LAMA2: variants seen among roughly 807,000 people sequenced by gnomAD.
LAMA2 encodes the protein laminin subunit alpha-2.
Under a neutral mutation model 364.8 loss-of-function variants are expected in LAMA2, and 269 were observed. The ratio of observed to expected loss-of-function variants is 0.74; its 90% CI spans 0.67 to 0.82. The LOEUF (loss-of-function observed/expected upper bound fraction) is 0.82, where lower values mean the gene tolerates loss of function less well. LAMA2 is among the 40% of genes least tolerant of loss of function. The probability of loss-of-function intolerance (pLI) is 0.00; values close to 1 mark genes in which losing one functional copy is unlikely to be tolerated. For missense variants in LAMA2, 3,807 were observed against 3,873.2 expected, an observed-to-expected ratio of 0.98 and a Z score of 0.45; for synonymous variants, 1,379 against 1,370.6, an observed-to-expected ratio of 1.01 and a Z score of -0.14.
At chr6:129,507,927 C>T (rs1253691693) in intron 62 of LAMA2, among the ~76,000 whole-genome samples, 1 of 152,176 alleles carries the variant, frequency 6.6e-6, no homozygotes, top group Non-Finnish European at 1.5e-5. Flanking sequence ...TGCAAGAACA[C>T]TCATATGTTT....
intron 4 of LAMA2, among the ~76,000 whole-genome samples, chr6:129,112,782 A>G (rs1486362173): frequency 2.0e-5 from 3 of 151,912 alleles, no homozygotes; most frequent in African/African-American, 7.2e-5. Context: ...GTTGCCACAT[A>G]GAAAATGTGG....
At chr6:129,092,493 G>C (rs1175944291) in intron 3 of LAMA2, among the ~76,000 whole-genome samples, 1 of 152,172 alleles carries the variant, frequency 6.6e-6, no homozygotes, top group Non-Finnish European at 1.5e-5. Flanking sequence ...TTAGAACTGA[G>C]AGTACAGATG....
intron 23 of LAMA2, 87 bp from the exon 24 acceptor site, chr6:129,314,568 A>G: frequency 1.6e-6 from 2 of 1,254,462 alleles, no homozygotes; most frequent in South Asian, 1.2e-5. Context: ...TTTTTTAAAA[A>G]GAGTATGCTC....
chr6:128,970,686 A>G (rs1388344746), intron 1 of LAMA2, among the ~76,000 whole-genome samples: 2 of 152,226 alleles, frequency 1.3e-5, no homozygotes, highest in Non-Finnish European at 2.9e-5. Context: ...ACTTATTCTG[A>G]TGAAGTAGTT....
chr6:129,055,381 A>G (rs912841728), intron 2 of LAMA2, among the ~76,000 whole-genome samples: 1 of 151,678 alleles, frequency 6.6e-6, no homozygotes, highest in Non-Finnish European at 1.5e-5. Flanking sequence ...TTTAGTAGAG[A>G]TGGAGTTTCA....
At chr6:129,202,407 A>C in intron 12 of LAMA2, among the ~76,000 whole-genome samples, 1 of 151,968 alleles carries the variant, frequency 6.6e-6, no homozygotes, top group East Asian at 1.9e-4. Flanking sequence ...AATCTCCATG[A>C]ATGGGATTAA....
intron 29 of LAMA2, among the ~76,000 whole-genome samples, chr6:129,331,976 A>G (rs1466384699): frequency 1.3e-5 from 2 of 152,184 alleles, no homozygotes; most frequent in East Asian, 3.9e-4. Flanking sequence ...TTCAAATTCC[A>G]TAGTGGCTCC....
chr6:129,453,096 G>T lies in LAMA2; in HGVS notation c.6538G>T (p.Asp2180Tyr). The T allele has an allele frequency of 1.9e-6, 3 of 1,613,052 alleles. No homozygotes were observed. Among genetic ancestry groups the T allele is most frequent in the Non-Finnish European group, 2.5e-6 (3 of 1,179,450 alleles). Residue 2180 changes from aspartate to tyrosine, a missense_variant, in exon 46 of 65, where the codon GAT becomes TAT. Around this residue, in one of 3 missense-constraint regions of LAMA2, gnomAD observed 3,333 missense variants for 3,345.7 expected, o/e 1.00. Transcript: ENST00000421865. The part of the protein sequence containing the change: ...IVVNVKTAVA[D>Y]NLLFYLGSAK... ...TGTCAACGTAAAGACAGCTGTTGCTGATAACCTCCTCTTTTATCTTGGAAG... is the reference window on the plus strand; with the variant it reads ...TGTCAACGTAAAGACAGCTGTTGCTTATAACCTCCTCTTTTATCTTGGAAG...
intron 3 of LAMA2, among the ~76,000 whole-genome samples, chr6:129,076,131 A>G (rs1302764187): frequency 3.3e-5 from 5 of 151,850 alleles, no homozygotes; most frequent in Non-Finnish European, 7.4e-5. Flanking sequence ...TAAAGGGACA[A>G]TTGGATTTAT....
intron 59 of LAMA2, 145 bp from the exon 60 acceptor site, chr6:129,502,946 G>A (rs577342229): frequency 1.1e-6 from 1 of 915,592 alleles, no homozygotes; most frequent in African/African-American, 1.6e-5. Context: ...GCCCAATTTA[G>A]GAAATCAGTA....
intron 12 of LAMA2, among the ~76,000 whole-genome samples, chr6:129,233,827 T>C (rs1038490497): frequency 6.6e-6 from 1 of 152,210 alleles, no homozygotes; most frequent in Non-Finnish European, 1.5e-5. Context: ...GATTTTATGG[T>C]ATTTGTCCTT....
At chr6:128,935,847 G>A (rs1393133375) in intron 1 of LAMA2, among the ~76,000 whole-genome samples, 5 of 152,096 alleles carry the variant, frequency 3.3e-5, no homozygotes, top group Admixed American at 2.6e-4. Flanking sequence ...TGGTAAGACT[G>A]GGCACCTGAT....
intron 1 of LAMA2, among the ~76,000 whole-genome samples, chr6:128,946,130 C>T (rs1232219363): frequency 3.4e-5 from 5 of 148,348 alleles, no homozygotes; most frequent in East Asian, 1.9e-4. Context: ...CTCTCTAGGT[C>T]GACAGGAACT....
Position 129,512,388 on chromosome 6 carries a change from C to T in LAMA2, c.8883C>T (p.Asp2961=). Residue 2961 remains aspartate (D), a synonymous_variant, in exon 63 of 65, where the codon GAC becomes GAT. Coordinates refer to ENST00000421865, the MANE Select transcript of LAMA2 (RefSeq NM_000426.4). ...TTGGTGGATTCAAAGTGGGATTGGA[C>T]CTTCTTGTAGAATTTGAATTCCGCA... ...KAVGGFKVGL[D]LLVEFEFRTT... The T allele has an allele frequency of 6.2e-7, 1 of 1,613,628 alleles. No individual in the cohort carries two copies. Among genetic ancestry groups the T allele is most frequent in the African/African-American group, 1.3e-5 (1 of 75,028 alleles).
rs2114357759 is a variant in LAMA2, at chr6:128,883,364, T to G, written c.112+7T>G. ...CAGGCACATCAGCAAAGAGGTACAG[T>G]CGAGGCATGGGCTTGGGTTGCATCC... On this transcript the variant is annotated splice_region_variant and intron_variant, in intron 1 of 64. Transcript: ENST00000421865. 6.3e-7 allele frequency: 1 copy of G among 1,587,590 alleles called. No individual in the cohort carries two copies. The highest frequency in any genetic ancestry group is 1.1e-5 in the South Asian group (1 of 87,250).
chr6:129,064,189 A>T (rs1466213985), intron 3 of LAMA2, among the ~76,000 whole-genome samples: 3 of 152,122 alleles, frequency 2.0e-5, no homozygotes, highest in Non-Finnish European at 2.9e-5. Context: ...CAATGGATAA[A>T]GAAAAAATTA....
chr6:129,507,627 G>T lies in LAMA2; in HGVS notation c.8842G>T (p.Gly2948Cys), dbSNP rs143638361. 21 of 1,614,098 alleles carry T rather than the reference G, an allele frequency of 1.3e-5. No homozygotes were observed. The highest frequency in any genetic ancestry group is 1.8e-5 in the Non-Finnish European group (21 of 1,179,992). ...AQRGTYFDGT[G>C]FAKAVGGFKV... ...GAGGGGAACATATTTTGACGGAACC[G>T]GTTTTGCCAAAGCAGGTAAGGCTCT... Residue 2948 changes from glycine to cysteine, a missense_variant, in exon 62 of 65, where the codon GGT (glycine) becomes TGT (cysteine). Gly to Cys is a radical substitution (Grantham distance 159). This residue lies in a region of LAMA2 where 3,333 missense variants were observed against 3,345.7 expected (regional missense o/e 1.00). Coordinates refer to ENST00000421865, the MANE Select transcript of LAMA2 (RefSeq NM_000426.4).
At chr6:129,286,620 A>G (rs1247865418) in intron 18 of LAMA2, among the ~76,000 whole-genome samples, 1 of 94,856 alleles carries the variant, frequency 1.1e-5, no homozygotes, top group African/African-American at 5.2e-5. Flanking sequence ...ATATTTATAT[A>G]ATATATATAA....
intron 13 of LAMA2, 27 bp from the exon 14 acceptor site, chr6:129,252,054 CTTT>C: frequency 4.0e-6 from 6 of 1,516,808 alleles, no homozygotes; most frequent in Non-Finnish European, 5.5e-6. Flanking sequence ...CAGTTTTACT[CTTT>C]TTTATTTCTT....
Sources: gnomAD v4.1 joint callset for allele counts (sites outside exome capture counted in the v4.1 genomes callset) on GRCh38, gnomAD v4.1.1 for gene constraint, gnomAD v4.1.1 regional missense constraint, MANE v1.5 for transcripts, NCBI Gene and HGNC (gene_info 2026-07-23, HGNC 2026-07-21) for gene names.